Variants in KCNH8 observed in about 807,000 individuals in gnomAD.
KCNH8 encodes the protein voltage-gated delayed rectifier potassium channel KCNH8.
Under a neutral mutation model 103.6 loss-of-function variants are expected in KCNH8, and 70 were observed. That is an observed-to-expected ratio of 0.68 (90% CI 0.56 to 0.82). The LOEUF is 0.82. Ranked by LOEUF, KCNH8 falls within the 40% of genes least tolerant of loss-of-function variation. KCNH8 has a pLI of 0.00. For synonymous variants in KCNH8, 498 were observed against 489.4 expected, an observed-to-expected ratio of 1.02 and a Z score of -0.23; for missense variants, 1,217 against 1,329.9, an observed-to-expected ratio of 0.92 and a Z score of 1.32.
chr3:19,495,631 G>T (rs755514487), intron 11 of KCNH8, among the ~76,000 whole-genome samples: 2 of 152,090 alleles, frequency 1.3e-5, no homozygotes, highest in African/African-American at 2.4e-5. Flanking sequence ...CTTGAAGTCA[G>T]GTAACATGAT....
rs1434275036 is a variant in KCNH8, at chr3:19,366,042, A to T, written c.811+18077A>T. Among the ~76,000 whole-genome samples the T allele has an allele frequency of 3.9e-5, 6 of 152,106 alleles. No homozygotes were observed. In the South Asian group the frequency reaches 6.2e-4, roughly 16 times the overall value. On this transcript the variant is annotated intron_variant, in intron 5 of 15. Transcript: ENST00000328405. ...TACAGCTTATAACACATCTTTTTTT[A>T]AAAAAATTACATTATCCTTCGAGCA...
chr3:19,255,387 A>C (rs560495456), intron 2 of KCNH8, among the ~76,000 whole-genome samples: 1 of 152,152 alleles, frequency 6.6e-6, no homozygotes, highest in Non-Finnish European at 1.5e-5. Context: ...GGTTTTCTAG[A>C]TATAAGATCA....
rs573959300 is a variant in KCNH8, at chr3:19,247,054, T to C, written c.77-6600T>C. Among the ~76,000 whole-genome samples the C allele has an allele frequency of 2.2e-4, 33 of 152,332 alleles. No homozygotes were observed. The East Asian group carries it at 5.8e-3, about 27-fold the overall frequency. ...TTACAAAGCTTTCTTCTAATCTTTG[T>C]CTTAAGTGATAATCTATACAGTATT... On this transcript the variant is annotated intron_variant, in intron 1 of 15. Transcript: ENST00000328405.
intron 8 of KCNH8, among the ~76,000 whole-genome samples, chr3:19,446,108 ATAAC>A (rs1017865926): frequency 1.6e-4 from 24 of 152,192 alleles, no homozygotes; most frequent in African/African-American, 5.1e-4. Context: ...CCATACATAT[ATAAC>A]TATTTTTTGA....
In KCNH8 at chr3:19,317,579, A is replaced by G. The variant is rs553439219; in HGVS notation, c.443-25008A>G. On this transcript the variant is annotated intron_variant, in intron 3 of 15. Transcript: ENST00000328405. ...CCAGTGTCTACCTCAGAGTATAACTATAAGAATAGAGAAAAATAAATTAAA... is the reference window on the plus strand; with the variant it reads ...CCAGTGTCTACCTCAGAGTATAACTGTAAGAATAGAGAAAAATAAATTAAA... Among the ~76,000 whole-genome samples the G allele has an allele frequency of 2.7e-3, 411 of 151,898 alleles. 3 individuals are homozygous for G. Among genetic ancestry groups the G allele is most frequent in the African/African-American group, 9.6e-3 (398 of 41,400 alleles).
chr3:19,435,548 C>G (rs1437086066), intron 7 of KCNH8, among the ~76,000 whole-genome samples: 3 of 152,148 alleles, frequency 2.0e-5, no homozygotes, highest in Non-Finnish European at 2.9e-5. Context: ...CACATGGGCT[C>G]CATTCTTGCT....
intron 1 of KCNH8, among the ~76,000 whole-genome samples, chr3:19,171,898 A>C (rs2063352668): frequency 6.6e-6 from 1 of 152,196 alleles, no homozygotes; most frequent in Admixed American, 6.5e-5. Flanking sequence ...ATTGTCAAGG[A>C]TCTTCATTCT....
chr3:19,453,435 T>C (rs2067480016), intron 10 of KCNH8, among the ~76,000 whole-genome samples: 1 of 152,194 alleles, frequency 6.6e-6, no homozygotes, highest in Non-Finnish European at 1.5e-5. Context: ...AAATAGATTA[T>C]ATTTTGGAAG....
Position 19,533,693 on chromosome 3 carries a change from C to T in KCNH8, c.2918C>T (p.Thr973Ile). The change falls in exon 16 of 16, where the codon ACT (threonine) becomes ATT (isoleucine). Residue 973 changes from threonine (T) to isoleucine (I), a missense_variant. Thr to Ile is a moderately conservative substitution (Grantham distance 89). Around this residue, in one of 3 missense-constraint regions of KCNH8, gnomAD observed 558 missense variants for 495.8 expected, o/e 1.13. Transcript: ENST00000328405. ...PSSVGSSPQR[T>I]GAHEQNPADS... ...TCTGTGGGGAGCAGCCCCCAACGAA[C>T]TGGAGCTCATGAGCAAAATCCTGCA... 6.2e-7 allele frequency: 1 copy of T among 1,614,192 alleles called. No homozygotes were observed. Among genetic ancestry groups the T allele is most frequent in the South Asian group, 1.1e-5 (1 of 91,080 alleles).
chr3:19,408,835 A>G (rs747937911), intron 7 of KCNH8, among the ~76,000 whole-genome samples: 2 of 152,140 alleles, frequency 1.3e-5, no homozygotes, highest in African/African-American at 2.4e-5. Context: ...GAATTTTAAA[A>G]AATGATCAAA....
At chr3:19,337,041 C>A (rs1046850699) in intron 3 of KCNH8, among the ~76,000 whole-genome samples, 1 of 151,876 alleles carries the variant, frequency 6.6e-6, no homozygotes, top group Non-Finnish European at 1.5e-5. Flanking sequence ...AACATGATAA[C>A]ACAGATAAGT....
At chr3:19,420,387 T>A (rs1190218295) in intron 7 of KCNH8, among the ~76,000 whole-genome samples, 1 of 152,216 alleles carries the variant, frequency 6.6e-6, no homozygotes, top group Non-Finnish European at 1.5e-5. Flanking sequence ...AGGCTTATTT[T>A]TAGCAATCTT....
At chr3:19,208,153 T>C (rs1373787032) in intron 1 of KCNH8, among the ~76,000 whole-genome samples, 1 of 152,024 alleles carries the variant, frequency 6.6e-6, no homozygotes, top group Non-Finnish European at 1.5e-5. Context: ...TTTCCCAAGA[T>C]TCAAGCACAA....
intron 3 of KCNH8, among the ~76,000 whole-genome samples, chr3:19,295,744 T>C (rs891897127): frequency 6.6e-6 from 1 of 152,124 alleles, no homozygotes; most frequent in South Asian, 2.1e-4. Context: ...AGTGTGGAGC[T>C]TTTCCCTTTT....
At position 19,395,123 on chromosome 3, in the gene KCNH8, T is replaced by G; in HGVS notation, c.989T>G (p.Leu330Arg). The change falls in exon 7 of 16, where the codon CTA becomes CGA. Residue 330 changes from leucine to arginine, a missense_variant. By Grantham distance (102) the Leu-to-Arg change is moderately radical (BLOSUM62 -2). This residue lies in a region of KCNH8 where 415 missense variants were observed against 577.4 expected (regional missense o/e 0.72). Transcript: ENST00000328405. ...CCACAGGTGTCTCTCGTGCATCTTC[T>G]AAAGACAGTGCGCCTCTTGCGTCTT... ...NVTVVSLVHL[L>R]KTVRLLRLLR... The G allele has an allele frequency of 6.2e-7, 1 of 1,612,006 alleles. No homozygotes were observed. The highest frequency in any genetic ancestry group is 8.5e-7 in the Non-Finnish European group (1 of 1,178,996).
intron 5 of KCNH8, among the ~76,000 whole-genome samples, chr3:19,352,737 T>C (rs1391236420): frequency 6.6e-6 from 1 of 152,162 alleles, no homozygotes; most frequent in African/African-American, 2.4e-5. Context: ...TAAAGCAGTG[T>C]GTAGAGGGAA....
At chr3:19,212,197 A>G (rs1245323450) in intron 1 of KCNH8, among the ~76,000 whole-genome samples, 1 of 152,186 alleles carries the variant, frequency 6.6e-6, no homozygotes, top group Admixed American at 6.5e-5. Flanking sequence ...AAATATAATT[A>G]TTACATCTTT....
rs959425070 is a variant in KCNH8, at chr3:19,253,598, G to A, written c.77-56G>A. 1.9e-5 allele frequency: 24 copies of A among 1,290,982 alleles called. No homozygotes were observed. The African/African-American group carries it at 3.1e-4, about 17-fold the overall frequency. The allele number at this position is 1,290,982 out of a possible 1,614,324, so 80.0% of individuals were successfully genotyped here. A position where few individuals can be genotyped will look rare whatever the true frequency, so the allele number is the denominator to read the frequency against. Reference sequence around the variant, plus strand: ...TGCTGATAATTTATACAGGAATTGTGTATAAATTCTCACACTTATCTAGTT... The same window carrying A: ...TGCTGATAATTTATACAGGAATTGTATATAAATTCTCACACTTATCTAGTT... On this transcript the variant is annotated intron_variant, in intron 1 of 15. Coordinates refer to ENST00000328405, the MANE Select transcript of KCNH8 (RefSeq NM_144633.3).
chr3:19,397,566 T>G (rs1166459553), intron 7 of KCNH8, among the ~76,000 whole-genome samples: 1 of 150,806 alleles, frequency 6.6e-6, no homozygotes, highest in Non-Finnish European at 1.5e-5. Context: ...TATATATACA[T>G]ATATATATTT....
Sources: allele counts gnomAD v4.1 joint callset (sites outside exome capture counted in the v4.1 genomes callset), GRCh38; gene constraint gnomAD v4.1.1; regional missense constraint gnomAD v4.1.1; transcripts MANE v1.5; gene names NCBI Gene and HGNC (gene_info 2026-07-23, HGNC 2026-07-21).